ZFHX3: variants seen among roughly 807,000 people sequenced by gnomAD.
The protein encoded by ZFHX3 is zinc finger homeobox 3, also known as zinc finger homeobox protein 3.
ZFHX3 carries 42 observed loss-of-function variants against 279.1 expected under a neutral mutation model. The observed-to-expected ratio is 0.15, with a 90% CI of 0.12 to 0.19. The LOEUF (loss-of-function observed/expected upper bound fraction) is 0.19. ZFHX3 is among the 10% of genes least tolerant of loss of function. ZFHX3 has a pLI of 1.00. For missense variants in ZFHX3, 4,981 were observed against 4,754.0 expected, an observed-to-expected ratio of 1.05 and a Z score of -1.40; for synonymous variants, 2,293 against 1,957.8, an observed-to-expected ratio of 1.17 and a Z score of -4.52.
At position 73,041,393 on chromosome 16, in the gene ZFHX3, G is replaced by A. The variant is rs1054866495; in HGVS notation, c.-50+6359C>T. On this transcript the variant is annotated intron_variant, in intron 1 of 9. Transcript: ENST00000268489. Reference sequence around the variant, plus strand: ...GGAAAAACCAGCTTCGACTGCCTCCGTTAAAAAAGGGTGTGCAGGGCTGAG... The same window carrying A: ...GGAAAAACCAGCTTCGACTGCCTCCATTAAAAAAGGGTGTGCAGGGCTGAG... Among the ~76,000 whole-genome samples, 8 of 117,970 alleles carry A rather than the reference G, an allele frequency of 6.8e-5. No individual in the cohort carries two copies. The East Asian group carries it at 6.8e-4, about 10-fold the overall frequency. 77.4% of individuals were successfully genotyped at this position (117,970 alleles called of 152,430 possible). A position where few individuals can be genotyped will look rare whatever the true frequency, so the allele number is the denominator to read the frequency against.
At chr16:73,197,014 T>TAGGGC (rs943745245) in intron 5 of ZFHX3, among the ~76,000 whole-genome samples, 9 of 152,144 alleles carry the variant, frequency 5.9e-5, no homozygotes, top group African/African-American at 1.9e-4. Flanking sequence ...CTGGCCTAAG[T>TAGGGC]AGGGCGTCTT....
At chr16:73,249,502 C>A (rs943985825) in intron 5 of ZFHX3, among the ~76,000 whole-genome samples, 1 of 152,064 alleles carries the variant, frequency 6.6e-6, no homozygotes, top group Admixed American at 6.6e-5. Flanking sequence ...AAAGGGGAAA[C>A]CCCTTATAAA....
intron 2 of ZFHX3, among the ~76,000 whole-genome samples, chr16:73,632,770 T>C (rs1370623728): frequency 6.7e-6 from 1 of 150,260 alleles, no homozygotes; most frequent in African/African-American, 2.4e-5. Context: ...ATGGACGAAG[T>C]TAACATAAAA....
At chr16:73,006,461 GAA>G (rs994064863) in intron 1 of ZFHX3, among the ~76,000 whole-genome samples, 1 of 149,572 alleles carries the variant, frequency 6.7e-6, no homozygotes, top group African/African-American at 2.5e-5. Flanking sequence ...CAATCTCTAT[GAA>G]AAAAAAAATT....
chr16:73,405,760 G>GCA (rs1360667849), intron 3 of ZFHX3, among the ~76,000 whole-genome samples: 2 of 149,842 alleles, frequency 1.3e-5, no homozygotes, highest in Non-Finnish European at 2.9e-5. Flanking sequence ...CCATGGGGAT[G>GCA]CATATTTCAC....
chr16:73,174,957 G>T (rs1202803799), intron 5 of ZFHX3, among the ~76,000 whole-genome samples: 1 of 151,980 alleles, frequency 6.6e-6, no homozygotes, highest in East Asian at 1.9e-4. Flanking sequence ...GAACCTGGGA[G>T]GTGGAGGCTG....
chr16:72,950,916 C>T lies in ZFHX3; in HGVS notation c.2769G>A (p.Val923=). The T allele has an allele frequency of 3.1e-6, 5 of 1,614,066 alleles. No individual in the cohort carries two copies. Among genetic ancestry groups the T allele is most frequent in the Non-Finnish European group, 4.2e-6 (5 of 1,180,028 alleles). Residue 923 remains valine, a synonymous_variant, in exon 3 of 10, where the codon GTG becomes GTA. Transcript: ENST00000268489. ...CGCCCAGGTTCATCAGCTCCTCTGA[C>T]ACCAGCTGCCCGCCCCCGAGCCGCA... ...LDMRLGGGQL[V]SEELMNLGES... is the part of the protein sequence containing the mutation.
chr16:73,075,270 C>T (rs1965874306), intron 8 of ZFHX3, among the ~76,000 whole-genome samples: 1 of 150,622 alleles, frequency 6.6e-6, no homozygotes, highest in Non-Finnish European at 1.5e-5. Context: ...GCCATGATCA[C>T]ACCACTGCAT....
chr16:73,032,643 C>G (rs1213914363), intron 1 of ZFHX3, among the ~76,000 whole-genome samples: 1 of 151,876 alleles, frequency 6.6e-6, no homozygotes, highest in East Asian at 1.9e-4. Context: ...ATGGGGGCCT[C>G]CCAACATCAC....
At chr16:73,795,607 A>G (rs1597119169) in intron 1 of ZFHX3, among the ~76,000 whole-genome samples, 1 of 152,194 alleles carries the variant, frequency 6.6e-6, no homozygotes. Flanking sequence ...CCCTAGGAAG[A>G]GCAGTACGAC....
At chr16:73,058,959 A>C (rs1279782936) in exon 1 of ZFHX3, 10 of 159,748 alleles carry the variant, frequency 6.3e-5, no homozygotes, top group Non-Finnish European at 1.2e-4. Flanking sequence ...GAGGAGGAGG[A>C]GGCGGCGGCG....
intron 2 of ZFHX3, among the ~76,000 whole-genome samples, chr16:73,502,823 T>A (rs2019263149): frequency 6.6e-6 from 1 of 152,230 alleles, no homozygotes; most frequent in South Asian, 2.1e-4. Context: ...TCCCTAGCTG[T>A]GTGCAGAAGG....
chr16:73,415,550 G>C (rs879390956), intron 3 of ZFHX3, among the ~76,000 whole-genome samples: 1 of 152,178 alleles, frequency 6.6e-6, no homozygotes, highest in Non-Finnish European at 1.5e-5. Context: ...ATCCCAAATG[G>C]AGCTGCTTCC....
intron 1 of ZFHX3, among the ~76,000 whole-genome samples, chr16:73,760,230 T>A (rs545018346): frequency 6.6e-6 from 1 of 152,088 alleles, no homozygotes; most frequent in Non-Finnish European, 1.5e-5. Flanking sequence ...TTCCCAAGAC[T>A]GAACCAGAAA....
intron 8 of ZFHX3, among the ~76,000 whole-genome samples, chr16:73,074,423 A>G (rs1287778253): frequency 6.6e-6 from 1 of 152,212 alleles, no homozygotes; most frequent in Non-Finnish European, 1.5e-5. Flanking sequence ...ATGCATATGC[A>G]TTCATAAGTA....
At chr16:72,902,054 A>G (rs769607800) in intron 3 of ZFHX3, among the ~76,000 whole-genome samples, 4 of 152,246 alleles carry the variant, frequency 2.6e-5, no homozygotes, top group Non-Finnish European at 5.9e-5. Flanking sequence ...AAATAATGCA[A>G]TAATTATTGA....
At chr16:73,813,606 G>C (rs1960483867) in intron 1 of ZFHX3, among the ~76,000 whole-genome samples, 1 of 152,174 alleles carries the variant, frequency 6.6e-6, no homozygotes, top group South Asian at 2.1e-4. Flanking sequence ...CTCGTAGTAG[G>C]ATTTTACCAA....
At chr16:73,879,982 C>A (rs769678360) in intron 1 of ZFHX3, among the ~76,000 whole-genome samples, 2 of 152,158 alleles carry the variant, frequency 1.3e-5, no homozygotes, top group East Asian at 3.9e-4. Flanking sequence ...CAGTCTCTAT[C>A]TGGCTTTGAT....
intron 3 of ZFHX3, among the ~76,000 whole-genome samples, chr16:73,422,972 C>G (rs1288200522): frequency 6.6e-6 from 1 of 152,172 alleles, no homozygotes; most frequent in Non-Finnish European, 1.5e-5. Context: ...TGGGGCCTCT[C>G]TCCTTGGCTG....
Sources: gnomAD v4.1 joint callset for allele counts (sites outside exome capture counted in the v4.1 genomes callset) on GRCh38, gnomAD v4.1.1 for gene constraint, MANE v1.5 for transcripts, NCBI Gene and HGNC (gene_info 2026-07-23, HGNC 2026-07-21) for gene names.